HMSD: variants seen among roughly 807,000 people sequenced by gnomAD.
HMSD encodes the protein histocompatibility minor serpin domain containing.
HMSD carries 13 observed loss-of-function variants against 10.0 expected under a neutral mutation model. The observed-to-expected ratio is 1.31, with a 90% confidence interval of 0.85 to 2.08. The LOEUF (loss-of-function observed/expected upper bound fraction) is 2.08. Among genes scored for constraint, HMSD ranks in the 30% most tolerant of loss-of-function variants. The probability of loss-of-function intolerance (pLI) is 0.00; values close to 1 mark genes in which losing one functional copy is unlikely to be tolerated. For synonymous variants in HMSD, 51 were observed against 54.2 expected (o/e 0.94, Z 0.26); for missense variants, 169 against 166.3 (o/e 1.02, Z -0.09).
chr18:63,958,317 A>C (rs1223378531), intron 3 of HMSD, among the ~76,000 whole-genome samples: 1 of 152,198 alleles, frequency 6.6e-6, no homozygotes, highest in African/African-American at 2.4e-5. Context: ...AGGTCACACA[A>C]CTAGTAAGTT....
chr18:63,964,087 C>T (rs2050400894), downstream of HMSD, among the ~76,000 whole-genome samples: 1 of 152,254 alleles, frequency 6.6e-6, no homozygotes, highest in Non-Finnish European at 1.5e-5. Flanking sequence ...CATATGGCTT[C>T]TCGTAAGCCA....
chr18:63,964,799 A>G (rs1599114776), downstream of HMSD, among the ~76,000 whole-genome samples: 1 of 152,148 alleles, frequency 6.6e-6, no homozygotes, highest in Non-Finnish European at 1.5e-5. Flanking sequence ...ATCAACTCCC[A>G]AAGGCCCTAT....
chr18:63,959,926 G>A (rs17072264), intron 3 of HMSD, among the ~76,000 whole-genome samples: 5,545 of 152,198 alleles, frequency 0.036, 161 homozygotes, highest in Non-Finnish European at 0.056. Flanking sequence ...GAAGGATCCA[G>A]CAGTTGATGA....
At chr18:63,967,893 G>C (rs1020517349) in intron 3 of HMSD, 2 of 152,142 alleles carry the variant, frequency 1.3e-5, no homozygotes, top group African/African-American at 4.8e-5. Flanking sequence ...TGAGAGATGG[G>C]TTTCCCTTCA....
Position 63,955,183 on chromosome 18 carries a change from A to G in HMSD, c.222+626A>G, listed in dbSNP as rs139052955. ...CCTTCACATATAAAAACTTTGCTTC[A>G]TGAGTTTTTCTCCTATGTAATGTTA... On this transcript the variant is annotated intron_variant, in intron 3 of 3. Coordinates refer to ENST00000408945, the MANE Select transcript of HMSD (RefSeq NM_001123366.2). Among the ~76,000 whole-genome samples the G allele has an allele frequency of 4.6e-3, 706 of 152,298 alleles. 8 individuals are homozygous for G. Among genetic ancestry groups the G allele is most frequent in the African/African-American group, 0.016 (685 of 41,552 alleles).
downstream of HMSD, among the ~76,000 whole-genome samples, chr18:63,963,492 T>G (rs79559233): frequency 1.5e-3 from 234 of 152,262 alleles, 3 homozygotes; most frequent in East Asian, 0.039. Flanking sequence ...CCTCCCAAAG[T>G]GCTGAGATTA....
Position 63,960,541 on chromosome 18 carries a change from A to G in HMSD, c.*186A>G. ...TTAATATTAGGTAGTTTTTCTTTTC[A>G]CAAATAGCGTTAAAATTTGAATTTA... On this transcript the variant is annotated 3_prime_UTR_variant, in exon 4 of 4. Transcript: ENST00000408945. 1.2e-6 allele frequency: 1 copy of G among 835,828 alleles called. No individual in the cohort carries two copies. The highest frequency in any genetic ancestry group is 1.7e-6 in the Non-Finnish European group (1 of 598,304). The allele number at this position is 835,828 out of a possible 1,614,324, so 51.8% of individuals were successfully genotyped here.
intron 1 of HMSD, among the ~76,000 whole-genome samples, chr18:63,951,402 C>T (rs185931460): frequency 3.5e-4 from 54 of 152,212 alleles, no homozygotes; most frequent in Non-Finnish European, 6.9e-4. Context: ...AATTCTGCTT[C>T]GGGAATGAAA....
chr18:63,954,690 T>TGA, intron 3 of HMSD, 133 bp downstream of exon 3: 1 of 687,918 alleles, frequency 1.5e-6, no homozygotes, highest in Non-Finnish European at 2.4e-6. Flanking sequence ...ACGCATCTTG[T>TGA]GATTCAGTTT....
downstream of HMSD, among the ~76,000 whole-genome samples, chr18:63,963,153 CTTCT>C (rs1444393122): frequency 3.1e-5 from 4 of 129,024 alleles, no homozygotes; most frequent in Admixed American, 1.6e-4. Context: ...TTCTCTCTCT[CTTCT>C]TTCTTTCTCT....
At chr18:63,967,414 A>G (rs2144768862) in intron 3 of HMSD, among the ~76,000 whole-genome samples, 1 of 152,324 alleles carries the variant, frequency 6.6e-6, no homozygotes, top group South Asian at 2.1e-4. Context: ...GATTACAGGC[A>G]TGAGCCACTG....
intron 3 of HMSD, chr18:63,969,192 G>A (rs1188694551): frequency 6.6e-6 from 1 of 152,216 alleles, no homozygotes; most frequent in Non-Finnish European, 1.5e-5. Context: ...CTAAAGAAAA[G>A]AAGGGAGAAA....
chr18:63,957,997 G>T (rs2050368017), intron 3 of HMSD, among the ~76,000 whole-genome samples: 1 of 152,110 alleles, frequency 6.6e-6, no homozygotes, highest in African/African-American at 2.4e-5. Flanking sequence ...ACCTAGGCGT[G>T]CAAGAAGTCA....
rs1033414104 is a variant in HMSD at position 63,960,029 on chromosome 18, A to G, written c.223-129A>G. The G allele has an allele frequency of 3.0e-6, 3 of 984,328 alleles. No individual in the cohort carries two copies. The African/African-American group carries it at 5.0e-5, about 16-fold the overall frequency. 61.0% of individuals were successfully genotyped at this position (984,328 alleles called of 1,614,324 possible). A position where few individuals can be genotyped will look rare whatever the true frequency, so the allele number is the denominator to read the frequency against. On this transcript the variant is annotated intron_variant, in intron 3 of 3. Coordinates refer to ENST00000408945, the MANE Select transcript of HMSD (RefSeq NM_001123366.2). ...AATTTGGACTTTAGGTTAATTCCTC[A>G]TCTTTATTTGCAAATTATATATGGT...
At chr18:63,963,227 GCTTCCTTC>G (rs1377691451), downstream of HMSD, among the ~76,000 whole-genome samples, 1 of 66,260 alleles carries the variant, frequency 1.5e-5, no homozygotes, top group Admixed American at 1.8e-4. Flanking sequence ...TTCCTTCCTT[GCTTCCTTC>G]CTTCCTTCCT....
At chr18:63,951,089 G>A (rs1271433796) in intron 1 of HMSD, among the ~76,000 whole-genome samples, 1 of 152,170 alleles carries the variant, frequency 6.6e-6, no homozygotes, top group African/African-American at 2.4e-5. Context: ...AAAGTCTTAG[G>A]AGAATCTAGT....
At chr18:63,962,208 T>A (rs982830210), downstream of HMSD, among the ~76,000 whole-genome samples, 1 of 152,238 alleles carries the variant, frequency 6.6e-6, no homozygotes, top group Non-Finnish European at 1.5e-5. Flanking sequence ...GTTAAGTAGC[T>A]TGAACAAGTT....
chr18:63,950,663 C>T (rs2050325600), intron 1 of HMSD, among the ~76,000 whole-genome samples: 1 of 149,746 alleles, frequency 6.7e-6, no homozygotes, highest in Non-Finnish European at 1.5e-5. Flanking sequence ...AAATCAGATG[C>T]ACGAGAACCT....
chr18:63,959,952 C>G (rs971496909), intron 3 of HMSD, among the ~76,000 whole-genome samples: 2 of 152,130 alleles, frequency 1.3e-5, no homozygotes, highest in African/African-American at 4.8e-5. Context: ...ACTTGATATG[C>G]AGCCCACCGC....
Sources: allele counts gnomAD v4.1 joint callset (sites outside exome capture counted in the v4.1 genomes callset), GRCh38; gene constraint gnomAD v4.1.1; transcripts MANE v1.5; gene names NCBI Gene and HGNC (gene_info 2026-07-23, HGNC 2026-07-21).